CNTLN: variants seen among roughly 807,000 people sequenced by gnomAD.
CNTLN encodes centlein.
In CNTLN, 212 loss-of-function variants were observed where a neutral mutation model predicts 180.0. The observed-to-expected ratio is 1.18, with a 90% CI of 1.05 to 1.32. The LOEUF (loss-of-function observed/expected upper bound fraction) is 1.32. Ranked by LOEUF, CNTLN falls within the 40% of genes most tolerant of loss-of-function variation. The probability of loss-of-function intolerance (pLI) is 0.00; values close to 1 mark genes in which losing one functional copy is unlikely to be tolerated. For missense variants in CNTLN, 2,095 were observed against 1,610.9 expected (o/e 1.30, Z -5.14); for synonymous variants, 722 against 563.1 (o/e 1.28, Z -3.99).
chr9:17,313,417 C>CTT (rs139376119), intron 8 of CNTLN, among the ~76,000 whole-genome samples: 2 of 150,754 alleles, frequency 1.3e-5, no homozygotes, highest in South Asian at 2.1e-4. Context: ...AATTAACTGG[C>CTT]TTTTTTTTTA....
chr9:17,471,383 C>G (rs959507745), intron 23 of CNTLN, among the ~76,000 whole-genome samples: 7 of 151,990 alleles, frequency 4.6e-5, no homozygotes, highest in Non-Finnish European at 1.0e-4. Context: ...ATATTTTCCA[C>G]AAACATTATT....
At chr9:17,480,358 CAAA>C (rs56758433) in intron 23 of CNTLN, among the ~76,000 whole-genome samples, 36,242 of 147,892 alleles carry the variant, frequency 0.25, 5,177 homozygotes, top group African/African-American at 0.4. Context: ...AAATTAATGG[CAAA>C]AAAAAAAAAA....
chr9:17,369,244 G>A (rs1318582358), intron 13 of CNTLN, among the ~76,000 whole-genome samples: 1 of 151,998 alleles, frequency 6.6e-6, no homozygotes, highest in Non-Finnish European at 1.5e-5. Flanking sequence ...TGTGAAGAAG[G>A]TGCCTTGCTT....
intron 12 of CNTLN, among the ~76,000 whole-genome samples, chr9:17,356,003 G>T (rs1822806427): frequency 6.7e-6 from 1 of 150,294 alleles, no homozygotes; most frequent in African/African-American, 2.5e-5. Flanking sequence ...GGTGGAGCTT[G>T]CAGTGAGCCG....
intron 6 of CNTLN, among the ~76,000 whole-genome samples, chr9:17,281,906 A>G (rs987653055): frequency 6.6e-6 from 1 of 152,184 alleles, no homozygotes; most frequent in African/African-American, 2.4e-5. Context: ...ATTCCCACCA[A>G]CAGTGTCAAA....
At chr9:17,299,695 T>A (rs1418910761) in intron 7 of CNTLN, 1 of 977,170 alleles carries the variant, frequency 1.0e-6, no homozygotes, top group Non-Finnish European at 1.2e-6. Flanking sequence ...GTGTTTTTTG[T>A]TTCTAAAGCA....
chr9:17,187,418 G>T (rs1230849153), intron 2 of CNTLN, among the ~76,000 whole-genome samples: 1 of 151,926 alleles, frequency 6.6e-6, no homozygotes, highest in Admixed American at 6.6e-5. Flanking sequence ...TGTCAGAGGA[G>T]GGTTTAATTT....
intron 18 of CNTLN, among the ~76,000 whole-genome samples, chr9:17,432,266 G>C (rs1402084430): frequency 1.3e-5 from 2 of 152,178 alleles, no homozygotes; most frequent in African/African-American, 4.8e-5. Flanking sequence ...CAGCCAACAT[G>C]CTAAAAAATA....
chr9:17,236,486 A>G lies in CNTLN; in HGVS notation c.747A>G (p.Lys249=), dbSNP rs774812106. 46 of 1,613,698 alleles carry G rather than the reference A, an allele frequency of 2.9e-5. No homozygotes were observed. The highest frequency in any genetic ancestry group is 8.8e-5 in the South Asian group (8 of 91,070). The change falls in exon 5 of 26, where the codon AAA becomes AAG. Residue 249 remains lysine, a synonymous_variant. Coordinates refer to ENST00000380647, the MANE Select transcript of CNTLN (RefSeq NM_017738.4). ...VIKNLEEENK[K]LSTRCTDLLN... ...AAAATCTGGAGGAGGAAAACAAGAA[A>G]TTAAGTACCCGCTGCACTGACCTGC...
rs548858590 is a variant in CNTLN at position 17,217,855 on chromosome 9, A to G, written c.450-8348A>G. Among the ~76,000 whole-genome samples the G allele has an allele frequency of 3.9e-5, 6 of 152,322 alleles. No homozygotes were observed. In the East Asian group the frequency reaches 9.6e-4, roughly 24 times the overall value. ...CTTAATTTCTAACTATAAAACAGAA[A>G]AAGGTTTTGTTTTGAGTTTCAGCTT... On this transcript the variant is annotated intron_variant, in intron 2 of 25. Transcript: ENST00000380647.
the CNTLN span, among the ~76,000 whole-genome samples, chr9:17,517,252 T>C: frequency 6.6e-6 from 1 of 151,402 alleles, no homozygotes; most frequent in Non-Finnish European, 1.5e-5. Context: ...AATTAGCCAG[T>C]GTGGTGGCGG....
chr9:17,359,717 T>TAAAA lies in CNTLN; in HGVS notation c.1887-6898_1887-6895dup, dbSNP rs1456379699. Among the ~76,000 whole-genome samples the TAAAA allele has an allele frequency of 3.3e-3, 44 of 13,496 alleles. 6 individuals are homozygous for TAAAA. The highest frequency in any genetic ancestry group is 6.1e-3 in the South Asian group (2 of 328). 8.9% of individuals were successfully genotyped at this position (13,496 alleles called of 152,430 possible). A position where few individuals can be genotyped will look rare whatever the true frequency, so the allele number is the denominator to read the frequency against. On this transcript the variant is annotated intron_variant, in intron 12 of 25. Transcript: ENST00000380647. ...TAACACGGTGAAACTCCGTCTATAC[T>TAAAA]AAAAATACAAAAAAAAAAAAAAAAA... is the stretch of plus-strand genomic sequence containing the variant.
rs182794697 is a variant in CNTLN at position 17,259,238 on chromosome 9, G to A, written c.850-14495G>A. 1.2e-4 allele frequency among the ~76,000 whole-genome samples: 18 copies of A among 149,172 alleles called. 1 individual carries two copies. Among genetic ancestry groups the A allele is most frequent in the African/African-American group, 4.6e-4 (18 of 39,238 alleles). On this transcript the variant is annotated intron_variant, in intron 5 of 25. Transcript: ENST00000380647. ...TCTGCATCTATTGAGATAATCATGT[G>A]GTTTTTGTCTTTGGTTCTGTTTATA...
chr9:17,340,853 T>C lies in CNTLN; in HGVS notation c.1671T>C (p.Asp557=), dbSNP rs1395860624. The part of the protein sequence containing the change: ...LKSQENDELR[D]AHEKRKERLQ... ...GCCAAGAAAATGATGAGCTAAGAGATGCCCATGAAAAACGCAAGGAACGGC... is the reference window on the plus strand; with the variant it reads ...GCCAAGAAAATGATGAGCTAAGAGACGCCCATGAAAAACGCAAGGAACGGC... Residue 557 remains aspartate (D), a synonymous_variant, in exon 11 of 26, where the codon GAT becomes GAC. Coordinates refer to ENST00000380647, the MANE Select transcript of CNTLN (RefSeq NM_017738.4). The C allele has an allele frequency of 1.9e-6, 3 of 1,611,586 alleles. No homozygotes were observed. The highest frequency in any genetic ancestry group is 4.5e-5 in the East Asian group (2 of 44,648).
intron 6 of CNTLN, among the ~76,000 whole-genome samples, chr9:17,295,724 G>A (rs1223510370): frequency 6.6e-6 from 1 of 152,092 alleles, no homozygotes; most frequent in Non-Finnish European, 1.5e-5. Flanking sequence ...TGTGAGTTGT[G>A]CGAGCTTTGC....
At chr9:17,167,345 C>T (rs1206639042) in intron 2 of CNTLN, 1 of 152,360 alleles carries the variant, frequency 6.6e-6, no homozygotes, top group African/African-American at 2.4e-5. Flanking sequence ...TCTTTCTCAT[C>T]TCTCAGTTTT....
intron 25 of CNTLN, among the ~76,000 whole-genome samples, chr9:17,495,543 T>C (rs12004952): frequency 0.34 from 51,740 of 152,136 alleles, 9,458 homozygotes; most frequent in East Asian, 0.51. Flanking sequence ...AGTATGTTTA[T>C]GTTTTAAGCT....
chr9:17,417,609 T>A (rs1377122734), intron 18 of CNTLN, among the ~76,000 whole-genome samples: 1 of 152,068 alleles, frequency 6.6e-6, no homozygotes, highest in Non-Finnish European at 1.5e-5. Flanking sequence ...AGATTAGAGT[T>A]GTTACAAAAA....
the CNTLN span, among the ~76,000 whole-genome samples, chr9:17,520,526 G>A: frequency 1.3e-5 from 2 of 152,232 alleles, no homozygotes; most frequent in Non-Finnish European, 2.9e-5. Flanking sequence ...ACCCTGAATT[G>A]TATGGGAAGG....
Sources: gnomAD v4.1 joint callset for allele counts (sites outside exome capture counted in the v4.1 genomes callset) on GRCh38, gnomAD v4.1.1 for gene constraint, MANE v1.5 for transcripts, NCBI Gene and HGNC (gene_info 2026-07-23, HGNC 2026-07-21) for gene names.